Variants in RBL2 observed in about 807,000 individuals in gnomAD.
RBL2 encodes retinoblastoma-like protein 2.
RBL2 carries 56 observed loss-of-function variants against 126.0 expected under a neutral mutation model. The ratio of observed to expected loss-of-function variants is 0.44; its 90% CI spans 0.36 to 0.56. The LOEUF is 0.56. Among genes scored for constraint, RBL2 ranks in the 20% least tolerant of loss-of-function variants. The pLI is 0.00. For missense variants in RBL2, 1,229 were observed against 1,398.2 expected, an observed-to-expected ratio of 0.88 and a Z score of 1.93; for synonymous variants, 454 against 478.5, an observed-to-expected ratio of 0.95 and a Z score of 0.67.
chr16:53,478,258 A>G (rs1258559511), intron 17 of RBL2, among the ~76,000 whole-genome samples: 6 of 151,798 alleles, frequency 4.0e-5, no homozygotes, highest in Non-Finnish European at 8.8e-5. Flanking sequence ...TGCTTTTAAT[A>G]TTTTCTTTCT....
chr16:53,455,997 C>T (rs1218906809), intron 8 of RBL2, among the ~76,000 whole-genome samples: 2 of 151,830 alleles, frequency 1.3e-5, no homozygotes, highest in Non-Finnish European at 2.9e-5. Flanking sequence ...AGTGAGACCC[C>T]GTCTCTACAT....
At chr16:53,443,902 C>T (rs1330398050) in intron 3 of RBL2, among the ~76,000 whole-genome samples, 1 of 152,142 alleles carries the variant, frequency 6.6e-6, no homozygotes, top group Non-Finnish European at 1.5e-5. Context: ...ACCACTGATA[C>T]AGAAGCATCT....
chr16:53,463,550 AT>A (rs972688342), intron 11 of RBL2, among the ~76,000 whole-genome samples: 7 of 87,308 alleles, frequency 8.0e-5, no homozygotes, highest in East Asian at 3.1e-4. Context: ...CCCTTTCAAT[AT>A]TTTTTTTTCC....
intron 1 of RBL2, among the ~76,000 whole-genome samples, chr16:53,438,336 C>T (rs1156769450): frequency 2.6e-5 from 4 of 152,162 alleles, no homozygotes; most frequent in Admixed American, 2.6e-4. Flanking sequence ...CATGTTGGTT[C>T]AGGACTCCGA....
intron 4 of RBL2, chr16:53,448,701 CT>C (rs2058086811): frequency 6.5e-6 from 1 of 152,720 alleles, no homozygotes. Flanking sequence ...CCAGGGTGGT[CT>C]CGAACTCCTG....
At chr16:53,456,155 G>A (rs948873289) in intron 8 of RBL2, among the ~76,000 whole-genome samples, 1 of 151,232 alleles carries the variant, frequency 6.6e-6, no homozygotes, top group Admixed American at 6.6e-5. Context: ...CAGCCTGGGT[G>A]ACAGAGCAAG....
intron 10 of RBL2, 57 bp from the exon 11 acceptor site, chr16:53,462,495 C>A: frequency 9.7e-7 from 1 of 1,025,968 alleles, no homozygotes; most frequent in African/African-American, 1.7e-5. Flanking sequence ...GAGGAATGGG[C>A]CTTTATTTTC....
intron 1 of RBL2, chr16:53,435,457 A>G (rs1456568060): frequency 2.2e-6 from 1 of 459,224 alleles, no homozygotes; most frequent in African/African-American, 2.1e-5. Flanking sequence ...CACCCCGGGC[A>G]TTGCACAGGA....
chr16:53,479,564 A>G, intron 18 of RBL2: 1 of 454,040 alleles, frequency 2.2e-6, no homozygotes, highest in Non-Finnish European at 3.9e-6. Context: ...GAAATTTAAA[A>G]CCCACTTTGC....
chr16:53,443,417 A>G lies in RBL2; in HGVS notation c.572+559A>G, dbSNP rs1427539875. The G allele has an allele frequency of 2.0e-5, 3 of 152,230 alleles. 1 individual carries two copies. The highest frequency in any genetic ancestry group is 4.1e-4 in the South Asian group (2 of 4,834). The allele number at this position is 152,230 out of a possible 1,614,324, so 9.4% of individuals were successfully genotyped here. On this transcript the variant is annotated intron_variant, in intron 3 of 21. Transcript: ENST00000262133. The stretch of plus-strand genomic sequence containing the variant: ...TATTTTATGTCAAACTGAGTAATAA[A>G]TAATCCCCTTGAAATGACTTCTCTA...
In RBL2 at chr16:53,470,151, C is replaced by T; in HGVS notation, c.2211C>T (p.Ala737=). Residue 737 remains alanine (A), a synonymous_variant, in exon 15 of 22, where the codon GCC becomes GCT. Coordinates refer to ENST00000262133, the MANE Select transcript of RBL2 (RefSeq NM_005611.4). The part of the protein sequence containing the change: ...LVTMATATVT[A]NNGQTVTIPV... ...CCATGGCAACCGCCACTGTCACAGCCAACAATGGGCAAACGGTAACCATTC... is the reference window on the plus strand; with the variant it reads ...CCATGGCAACCGCCACTGTCACAGCTAACAATGGGCAAACGGTAACCATTC... 1 of 1,612,300 alleles carries T rather than the reference C, an allele frequency of 6.2e-7. No homozygotes were observed.
intron 12 of RBL2, among the ~76,000 whole-genome samples, chr16:53,465,193 AAG>A (rs1242733554): frequency 6.6e-6 from 1 of 152,212 alleles, no homozygotes; most frequent in African/African-American, 2.4e-5. Context: ...ATGAAATTTT[AAG>A]AGTAATGTTT....
chr16:53,465,473 T>C lies in RBL2; in HGVS notation c.1734T>C (p.Leu578=). 2 of 1,570,424 alleles carry C rather than the reference T, an allele frequency of 1.3e-6. No individual in the cohort carries two copies. The highest frequency in any genetic ancestry group is 1.7e-6 in the Non-Finnish European group (2 of 1,159,638). The part of the protein sequence containing the change: ...IEVFIRAEDG[L]CREVVKHLNQ... The stretch of plus-strand genomic sequence containing the variant: ...TATTCATTAGAGCAGAAGATGGCCT[T>C]TGTAGAGAGGTGGTAAAACACCTTA... Residue 578 remains leucine (L), a synonymous_variant, in exon 13 of 22, where the codon CTT becomes CTC. Transcript: ENST00000262133.
intron 14 of RBL2, 70 bp downstream of exon 14, chr16:53,467,239 C>A: frequency 7.9e-7 from 1 of 1,273,844 alleles, no homozygotes; most frequent in South Asian, 1.2e-5. Flanking sequence ...TCTAACCCTA[C>A]AAGTGAAGTT....
At chr16:53,455,231 A>G (rs2058156008) in intron 8 of RBL2, among the ~76,000 whole-genome samples, 1 of 152,220 alleles carries the variant, frequency 6.6e-6, no homozygotes, top group African/African-American at 2.4e-5. Flanking sequence ...TACAGTCTTT[A>G]AGAAAATTCT....
intron 5 of RBL2, among the ~76,000 whole-genome samples, chr16:53,452,082 G>A (rs2058121233): frequency 1.3e-5 from 2 of 152,236 alleles, no homozygotes; most frequent in East Asian, 1.9e-4. Context: ...CAAGGAGAAG[G>A]CATTTAGAAA....
rs996522890 is a variant in RBL2, at chr16:53,469,774, A to G, written c.1976-142A>G. On this transcript the variant is annotated intron_variant, in intron 14 of 21. Transcript: ENST00000262133. ...GTTCACTAATGAATATAGGTAAGAT[A>G]TGACTTCTGTAATTCTTGTTTGCTT... 32 of 1,029,326 alleles carry G rather than the reference A, an allele frequency of 3.1e-5. No individual in the cohort carries two copies. The South Asian group carries it at 5.4e-4, about 17-fold the overall frequency. The allele number at this position is 1,029,326 out of a possible 1,614,324, so 63.8% of individuals were successfully genotyped here.
intron 3 of RBL2, 80 bp from the exon 4 acceptor site, chr16:53,446,962 A>G: frequency 2.5e-6 from 2 of 805,006 alleles, no homozygotes; most frequent in Non-Finnish European, 3.8e-6. Context: ...GTTTTATTTT[A>G]CACCTGATTT....
In RBL2 at chr16:53,490,644, A is replaced by G. The variant is rs1961384260; in HGVS notation, c.*344A>G. 5.4e-6 allele frequency: 1 copy of G among 183,896 alleles called. No homozygotes were observed. Among genetic ancestry groups the G allele is most frequent in the Non-Finnish European group, 1.1e-5 (1 of 89,502 alleles). The allele number at this position is 183,896 out of a possible 1,614,324, so 11.4% of individuals were successfully genotyped here. A position where few individuals can be genotyped will look rare whatever the true frequency, so the allele number is the denominator to read the frequency against. ...GAGGCTTCTGTTGACGTACTCCAACAGAAGAACTGTGTTTCAAGTTCAATC... is the reference window on the plus strand; with the variant it reads ...GAGGCTTCTGTTGACGTACTCCAACGGAAGAACTGTGTTTCAAGTTCAATC... On this transcript the variant is annotated 3_prime_UTR_variant, in exon 22 of 22. Transcript: ENST00000262133.
Sources: gnomAD v4.1 joint callset for allele counts (sites outside exome capture counted in the v4.1 genomes callset) on GRCh38, gnomAD v4.1.1 for gene constraint, MANE v1.5 for transcripts, NCBI Gene and HGNC (gene_info 2026-07-23, HGNC 2026-07-21) for gene names.